CDK15: variants seen among roughly 807,000 people sequenced by gnomAD.
CDK15 encodes cyclin dependent kinase 15.
Under a neutral mutation model 60.3 loss-of-function variants are expected in CDK15, and 62 were observed. The observed-to-expected ratio is 1.03, with a 90% CI of 0.84 to 1.27. The LOEUF is 1.27. Ranked by LOEUF, CDK15 falls within the 50% of genes most tolerant of loss-of-function variation. The pLI, the probability that CDK15 is intolerant of heterozygous loss-of-function variation, is 0.00. For missense variants in CDK15, 541 were observed against 527.8 expected (o/e 1.03, Z -0.25); for synonymous variants, 194 against 195.7 (o/e 0.99, Z 0.07).
rs1207910777 is a variant in CDK15 at position 201,893,526 on chromosome 2, TAAAC to T, written c.*260_*263del. The T allele has an allele frequency of 1.3e-5, 2 of 152,216 alleles. No individual in the cohort carries two copies. Among genetic ancestry groups the T allele is most frequent in the African/African-American group, 4.8e-5 (2 of 41,460 alleles). 9.4% of individuals were successfully genotyped at this position (152,216 alleles called of 1,614,324 possible). A position where few individuals can be genotyped will look rare whatever the true frequency, so the allele number is the denominator to read the frequency against. On this transcript the variant is annotated 3_prime_UTR_variant, in exon 14 of 14. Transcript: ENST00000652192. ...GTGATTGATTTAAAAAAACTGGACA[TAAAC>T]TAAGTCTAAGAAGAGGGCTTCTGAA...
intron 3 of CDK15, 46 bp downstream of exon 3, chr2:201,807,998 C>T: frequency 1.3e-6 from 2 of 1,496,724 alleles, no homozygotes; most frequent in Non-Finnish European, 1.8e-6. Flanking sequence ...GAGAGTCCCG[C>T]CCCCCCAATT....
chr2:201,869,574 A>G lies in CDK15; in HGVS notation c.1010-2704A>G, dbSNP rs890311477. Among the ~76,000 whole-genome samples the G allele has an allele frequency of 2.6e-5, 4 of 152,048 alleles. No individual in the cohort carries two copies. The East Asian group carries it at 7.7e-4, about 29-fold the overall frequency. ...AAAAATCAGAAAAAAAAAGAAAGAAAACTGAGGGTTGCCATGGATGGTCAA... is the reference window on the plus strand; with the variant it reads ...AAAAATCAGAAAAAAAAAGAAAGAAGACTGAGGGTTGCCATGGATGGTCAA... On this transcript the variant is annotated intron_variant, in intron 10 of 13. Coordinates refer to ENST00000652192, the MANE Select transcript of CDK15 (RefSeq NM_001366386.2).
chr2:201,819,044 A>G (rs761472500), intron 4 of CDK15, among the ~76,000 whole-genome samples: 53 of 152,176 alleles, frequency 3.5e-4, no homozygotes, highest in Non-Finnish European at 1.3e-4. Flanking sequence ...CAATAAACAA[A>G]TATTTATATA....
At chr2:201,841,793 A>C (rs1011614953) in intron 8 of CDK15, among the ~76,000 whole-genome samples, 1 of 152,214 alleles carries the variant, frequency 6.6e-6, no homozygotes, top group African/African-American at 2.4e-5. Context: ...TAATTATGGA[A>C]AACTTGCAAC....
intron 8 of CDK15, among the ~76,000 whole-genome samples, chr2:201,838,468 G>A (rs1697224492): frequency 1.3e-5 from 2 of 152,070 alleles, no homozygotes; most frequent in South Asian, 2.1e-4. Context: ...GTACAGAGGT[G>A]AGATTGTCTC....
intron 6 of CDK15, among the ~76,000 whole-genome samples, chr2:201,832,052 T>TC (rs1250496615): frequency 2.0e-5 from 3 of 151,932 alleles, no homozygotes; most frequent in African/African-American, 7.2e-5. Flanking sequence ...AAAAACATTT[T>TC]TTTTTTTTTT....
At chr2:201,820,487 C>T (rs1696172092) in intron 4 of CDK15, among the ~76,000 whole-genome samples, 1 of 152,126 alleles carries the variant, frequency 6.6e-6, no homozygotes, top group African/African-American at 2.4e-5. Context: ...CATATCAACC[C>T]TATGAAGTAA....
Position 201,847,445 on chromosome 2 carries a change from A to G in CDK15, c.916A>G (p.Ile306Val). Residue 306 changes from isoleucine (I) to valine (V), a missense_variant, in exon 9 of 14, where the codon ATC becomes GTC. By Grantham distance (29) the Ile-to-Val change is conservative. Coordinates refer to ENST00000652192, the MANE Select transcript of CDK15 (RefSeq NM_001366386.2). ...GQPLFPGVSN[I>V]LEQLEKIWEV... Reference sequence around the variant, plus strand: ...ACCTTTGTTTCCTGGGGTTTCCAACATCCTTGAACAGCTGGAGAAAATCTG... The same window carrying G: ...ACCTTTGTTTCCTGGGGTTTCCAACGTCCTTGAACAGCTGGAGAAAATCTG... 1 of 1,614,076 alleles carries G rather than the reference A, an allele frequency of 6.2e-7. No homozygotes were observed. Among genetic ancestry groups the G allele is most frequent in the Non-Finnish European group, 8.5e-7 (1 of 1,179,990 alleles).
At chr2:201,877,379 G>A (rs1474055202) in intron 11 of CDK15, among the ~76,000 whole-genome samples, 2 of 152,138 alleles carry the variant, frequency 1.3e-5, no homozygotes, top group African/African-American at 2.4e-5. Flanking sequence ...GACTGTGGAG[G>A]TGGAAGTTGA....
chr2:201,848,316 T>C (rs1697759113), intron 9 of CDK15, among the ~76,000 whole-genome samples: 1 of 152,202 alleles, frequency 6.6e-6, no homozygotes, highest in African/African-American at 2.4e-5. Context: ...TTATGGCCCT[T>C]ATATAGTATT....
At chr2:201,825,790 A>G (rs1276691012) in intron 6 of CDK15, among the ~76,000 whole-genome samples, 5 of 152,236 alleles carry the variant, frequency 3.3e-5, no homozygotes, top group Non-Finnish European at 5.9e-5. Context: ...TCAAGACAGA[A>G]GTTAATGTGC....
At chr2:201,853,096 A>G (rs1697984364) in intron 9 of CDK15, among the ~76,000 whole-genome samples, 1 of 152,242 alleles carries the variant, frequency 6.6e-6, no homozygotes, top group South Asian at 2.1e-4. Flanking sequence ...TTACACATGC[A>G]TCTGTGCAAA....
intron 12 of CDK15, chr2:201,888,858 T>C: frequency 9.4e-7 from 1 of 1,061,134 alleles, no homozygotes; most frequent in Non-Finnish European, 1.1e-6. Flanking sequence ...CCCAAATGGT[T>C]TGGATTTGAG....
At chr2:201,824,207 T>A (rs1189976176) in intron 6 of CDK15, among the ~76,000 whole-genome samples, 2 of 152,252 alleles carry the variant, frequency 1.3e-5, no homozygotes, top group Admixed American at 6.5e-5. Context: ...CTTAATTAGC[T>A]ATAATTCTAC....
chr2:201,881,065 G>A (rs1214231922), intron 12 of CDK15, among the ~76,000 whole-genome samples: 1 of 152,160 alleles, frequency 6.6e-6, no homozygotes, highest in African/African-American at 2.4e-5. Context: ...TGAGGACACT[G>A]GAAGGGGCGT....
At chr2:201,808,965 C>A (rs1247809612) in intron 3 of CDK15, among the ~76,000 whole-genome samples, 1 of 151,764 alleles carries the variant, frequency 6.6e-6, no homozygotes, top group Non-Finnish European at 1.5e-5. Context: ...ATCTCTGTCA[C>A]CCACGCTGGA....
chr2:201,825,142 G>A (rs1281328292), intron 6 of CDK15, among the ~76,000 whole-genome samples: 3 of 151,774 alleles, frequency 2.0e-5, no homozygotes, highest in Non-Finnish European at 4.4e-5. Context: ...GTGAAACCCC[G>A]TCTCTACTAA....
chr2:201,876,631 A>T, intron 11 of CDK15: 1 of 1,218,426 alleles, frequency 8.2e-7, no homozygotes. Context: ...TGAGACTGGA[A>T]CAAGTCCAGA....
chr2:201,817,853 A>G (rs1297022969), intron 4 of CDK15, among the ~76,000 whole-genome samples: 2 of 152,238 alleles, frequency 1.3e-5, no homozygotes, highest in East Asian at 1.9e-4. Flanking sequence ...TCAGCATTAC[A>G]ATTCCAAAGA....
Sources: gnomAD v4.1 joint callset for allele counts (sites outside exome capture counted in the v4.1 genomes callset) on GRCh38, gnomAD v4.1.1 for gene constraint, MANE v1.5 for transcripts, NCBI Gene and HGNC (gene_info 2026-07-23, HGNC 2026-07-21) for gene names.